CACNA1H: variants seen among roughly 807,000 people sequenced by gnomAD.
The protein encoded by CACNA1H is voltage-dependent T-type calcium channel subunit alpha-1H.
Under a neutral mutation model 192.5 loss-of-function variants are expected in CACNA1H, and 149 were observed. The ratio of observed to expected loss-of-function variants is 0.77; its 90% CI spans 0.68 to 0.89. CACNA1H has a LOEUF of 0.89. CACNA1H is among the 40% of genes least tolerant of loss of function. The probability of loss-of-function intolerance (pLI) is 0.00; values close to 1 mark genes in which losing one functional copy is unlikely to be tolerated. For missense variants in CACNA1H, 4,257 were observed against 3,423.5 expected (o/e 1.24, Z -6.08); for synonymous variants, 2,202 against 1,475.2 (o/e 1.49, Z -11.29).
At chr16:1,215,406 C>T (rs770182808) in intron 29 of CACNA1H, 31 bp downstream of exon 29, 2 of 1,335,844 alleles carry the variant, frequency 1.5e-6, no homozygotes, top group South Asian at 1.2e-5. Context: ...CAGGTTCTCT[C>T]TGCGGGTGGA....
At chr16:1,156,319 G>A (rs1962377739) in intron 2 of CACNA1H, among the ~76,000 whole-genome samples, 1 of 152,238 alleles carries the variant, frequency 6.6e-6, no homozygotes. Flanking sequence ...TGGGCTTGTG[G>A]AGGCCCCGGC....
chr16:1,197,827 T>C (rs1352199850), intron 5 of CACNA1H, among the ~76,000 whole-genome samples: 1 of 152,134 alleles, frequency 6.6e-6, no homozygotes, highest in Non-Finnish European at 1.5e-5. Context: ...AGCCTGGCCC[T>C]TGATTAAATT....
intron 2 of CACNA1H, chr16:1,157,523 C>A (rs1005920713): frequency 5.3e-5 from 8 of 152,198 alleles, no homozygotes; most frequent in African/African-American, 1.9e-4. Flanking sequence ...CCGCGGGCGT[C>A]CCCCGGGAGT....
At chr16:1,206,830 C>T (rs980636930) in intron 12 of CACNA1H, 171 bp from the exon 13 acceptor site, 3 of 598,782 alleles carry the variant, frequency 5.0e-6, no homozygotes, top group Middle Eastern at 4.4e-4. Context: ...CAGGAAGTCC[C>T]TTTTAAGCTA....
chr16:1,210,421 G>T lies in CACNA1H; in HGVS notation c.3897G>T (p.Val1299=). The change falls in exon 19 of 35, where the codon GTG becomes GTT. Residue 1299 remains valine (V), a synonymous_variant. Coordinates refer to ENST00000348261, the MANE Select transcript of CACNA1H (RefSeq NM_021098.3). ...TCACACACAAGATGTTTGATCACGT[G>T]GTCCTCGTCTTCATCTTCCTCAACT... is the stretch of plus-strand genomic sequence containing the variant. ...KVITHKMFDH[V]VLVFIFLNCV... is the part of the protein sequence containing the mutation. The T allele has an allele frequency of 6.2e-7, 1 of 1,607,428 alleles. No individual in the cohort carries two copies. The highest frequency in any genetic ancestry group is 8.5e-7 in the Non-Finnish European group (1 of 1,178,538).
At position 1,220,933 on chromosome 16, in the gene CACNA1H, A is replaced by C. The variant is rs1373173971; in HGVS notation, c.7001A>C (p.Glu2334Ala). The change falls in exon 35 of 35, where the codon GAG becomes GCG. Residue 2334 changes from glutamate to alanine, a missense_variant. Coordinates refer to ENST00000348261, the MANE Select transcript of CACNA1H (RefSeq NM_021098.3). ...LYLTVPQCPLEKPGSPSATPA... is the reference protein window; with the variant it reads ...LYLTVPQCPLAKPGSPSATPA... ...CTCACAGTCCCCCAGTGTCCTCTGG[A>C]GAAACCAGGGTCCCCCTCAGCCACC... The C allele has an allele frequency of 1.2e-6, 2 of 1,609,152 alleles. No homozygotes were observed. The highest frequency in any genetic ancestry group is 1.7e-6 in the Non-Finnish European group (2 of 1,177,842).
intron 2 of CACNA1H, among the ~76,000 whole-genome samples, chr16:1,183,031 C>A (rs1293730540): frequency 6.6e-6 from 1 of 151,724 alleles, no homozygotes; most frequent in African/African-American, 2.4e-5. Flanking sequence ...TGAAGGAGGT[C>A]TGGGCCCCAC....
In CACNA1H at chr16:1,200,406, C is replaced by T. The variant is rs1330712942; in HGVS notation, c.954C>T (p.Gly318=). The T allele has an allele frequency of 6.2e-7, 1 of 1,608,330 alleles. No individual in the cohort carries two copies. The highest frequency in any genetic ancestry group is 1.7e-5 in the Admixed American group (1 of 59,596). The stretch of plus-strand genomic sequence containing the variant: ...AGCTGCGCATGCCCTGCACCCTGGG[C>T]TGGGAGGCCTACACGCAGCCGCAGG... ...RRELRMPCTL[G]WEAYTQPQAE... Residue 318 remains glycine, a synonymous_variant, in exon 7 of 35, where the codon GGC becomes GGT. Coordinates refer to ENST00000348261, the MANE Select transcript of CACNA1H (RefSeq NM_021098.3).
At chr16:1,199,845 C>G (rs1181372253) in intron 6 of CACNA1H, among the ~76,000 whole-genome samples, 1 of 152,112 alleles carries the variant, frequency 6.6e-6, no homozygotes, top group African/African-American at 2.4e-5. Flanking sequence ...CCCCTCGTCC[C>G]TTGCCCTTTG....
Position 1,218,937 on chromosome 16 carries a change from A to G in CACNA1H, c.5888-33A>G, listed in dbSNP as rs181902258. 8.9e-4 allele frequency: 1,381 copies of G among 1,546,738 alleles called. 7 individuals carry two copies. The African/African-American group carries it at 0.017, about 19-fold the overall frequency. On this transcript the variant is annotated intron_variant, in intron 33 of 34. Transcript: ENST00000348261. ...GGCAGCTGGGCAGGAAGGCAGGGGC[A>G]GAGCTGCCAGCTTAGATTCTTCCCT...
intron 9 of CACNA1H, among the ~76,000 whole-genome samples, chr16:1,202,692 GA>G (rs1416376360): frequency 6.6e-6 from 1 of 152,194 alleles, no homozygotes; most frequent in Non-Finnish European, 1.5e-5. Flanking sequence ...GGTAGCCGCG[GA>G]GGTGGGATTT....
At chr16:1,171,870 A>T (rs1246414413) in intron 2 of CACNA1H, among the ~76,000 whole-genome samples, 1 of 152,228 alleles carries the variant, frequency 6.6e-6, no homozygotes, top group African/African-American at 2.4e-5. Flanking sequence ...TCTCGCCCAC[A>T]GACGAGAGGG....
rs372041705 is a variant in CACNA1H, at chr16:1,195,038, C to T, written c.366C>T (p.Pro122=). 12 of 1,610,716 alleles carry T rather than the reference C, an allele frequency of 7.5e-6. No individual in the cohort carries two copies. The highest frequency in any genetic ancestry group is 6.7e-5 in the African/African-American group (5 of 74,690). The part of the protein sequence containing the change: ...LNCVTLGMFR[P]CEDVECGSER... ...GCGTGACCCTGGGCATGTTCCGGCC[C>T]TGTGAGGACGTTGAGTGCGGCTCCG... The change falls in exon 3 of 35, where the codon CCC becomes CCT. Residue 122 remains proline (P), a synonymous_variant. Coordinates refer to ENST00000348261, the MANE Select transcript of CACNA1H (RefSeq NM_021098.3).
Position 1,195,909 on chromosome 16 carries a change from C to G in CACNA1H, c.546-17C>G. ...TGGGCTCCTTGTTGAGCTGCTCCCCCTCGGCCCCGCCCCCAGCATGATGGA... is the reference window on the plus strand; with the variant it reads ...TGGGCTCCTTGTTGAGCTGCTCCCCGTCGGCCCCGCCCCCAGCATGATGGA... On this transcript the variant is annotated splice_polypyrimidine_tract_variant and intron_variant, in intron 4 of 34. Coordinates refer to ENST00000348261, the MANE Select transcript of CACNA1H (RefSeq NM_021098.3). 1.9e-6 allele frequency: 3 copies of G among 1,605,442 alleles called. No homozygotes were observed. Among genetic ancestry groups the G allele is most frequent in the Non-Finnish European group, 2.6e-6 (3 of 1,173,218 alleles).
chr16:1,208,107 G>T lies in CACNA1H; in HGVS notation c.3249G>T (p.Thr1083=), dbSNP rs765068597. The T allele has an allele frequency of 1.3e-6, 2 of 1,594,986 alleles. No homozygotes were observed. Among genetic ancestry groups the T allele is most frequent in the Non-Finnish European group, 1.7e-6 (2 of 1,172,100 alleles). Residue 1083 remains threonine, a synonymous_variant, in exon 16 of 35, where the codon ACG becomes ACT. Transcript: ENST00000348261. The stretch of plus-strand genomic sequence containing the variant: ...CCCTCATCATGTGCACAGCTGCCAC[G>T]CCCATGCCTACCCCCAAGAGCTCAC... ...SPPLIMCTAA[T]PMPTPKSSPF... is the part of the protein sequence containing the mutation.
intron 26 of CACNA1H, among the ~76,000 whole-genome samples, chr16:1,212,795 C>T (rs920196945): frequency 7.9e-5 from 12 of 152,240 alleles, no homozygotes; most frequent in Non-Finnish European, 1.2e-4. Context: ...CCGCCCACAC[C>T]CCTGCAGGCT....
At chr16:1,188,656 C>T (rs1266864379) in intron 2 of CACNA1H, among the ~76,000 whole-genome samples, 2 of 152,210 alleles carry the variant, frequency 1.3e-5, no homozygotes, top group Non-Finnish European at 1.5e-5. Context: ...GCCTTCAGAG[C>T]TATGCGCTTT....
At chr16:1,160,929 GC>G (rs113605066) in intron 2 of CACNA1H, among the ~76,000 whole-genome samples, 48 of 150,708 alleles carry the variant, frequency 3.2e-4, no homozygotes, top group Admixed American at 9.9e-4. Flanking sequence ...GCCCAGTGCG[GC>G]CCCCCCCCAG....
intron 2 of CACNA1H, among the ~76,000 whole-genome samples, chr16:1,190,650 G>A (rs1966520942): frequency 1.3e-5 from 2 of 152,238 alleles, no homozygotes; most frequent in Admixed American, 1.3e-4. Flanking sequence ...CCTCCTTGGG[G>A]CCCCCCAGAC....
Sources: gnomAD v4.1 joint callset for allele counts (sites outside exome capture counted in the v4.1 genomes callset) on GRCh38, gnomAD v4.1.1 for gene constraint, MANE v1.5 for transcripts, NCBI Gene and HGNC (gene_info 2026-07-23, HGNC 2026-07-21) for gene names.